Variants in FLI1 observed in about 807,000 individuals in gnomAD.
FLI1 encodes the protein Fli-1 proto-oncogene, ETS transcription factor.
FLI1 carries 13 observed loss-of-function variants against 53.1 expected under a neutral mutation model. The ratio of observed to expected loss-of-function variants is 0.24; its 90% confidence interval spans 0.16 to 0.39. FLI1 has a LOEUF of 0.39. Ranked by LOEUF, FLI1 falls within the 10% of genes least tolerant of loss-of-function variation. FLI1 has a pLI of 1.00. For missense variants in FLI1, 424 were observed against 600.5 expected, an observed-to-expected ratio of 0.71 and a Z score of 3.07; for synonymous variants, 244 against 236.7, an observed-to-expected ratio of 1.03 and a Z score of -0.28.
At chr11:128,704,728 T>A (rs2135708342) in intron 1 of FLI1, among the ~76,000 whole-genome samples, 1 of 152,318 alleles carries the variant, frequency 6.6e-6, no homozygotes. Context: ...CCAATTCAGT[T>A]TGAAACTGTA....
intron 1 of FLI1, among the ~76,000 whole-genome samples, chr11:128,739,075 G>T (rs557750606): frequency 8.5e-5 from 13 of 152,170 alleles, no homozygotes; most frequent in Admixed American, 4.6e-4. Context: ...CACCAAACTC[G>T]ATGTTTATCA....
At chr11:128,728,923 G>A (rs184348309) in intron 1 of FLI1, among the ~76,000 whole-genome samples, 3 of 152,284 alleles carry the variant, frequency 2.0e-5, no homozygotes, top group South Asian at 4.1e-4. Flanking sequence ...TACTCCAACC[G>A]CCAGAGACAC....
intron 1 of FLI1, among the ~76,000 whole-genome samples, chr11:128,735,882 T>C (rs1284021924): frequency 1.3e-5 from 2 of 152,250 alleles, no homozygotes; most frequent in Non-Finnish European, 2.9e-5. Flanking sequence ...GCTGGCCTGA[T>C]AAATTGTTTA....
chr11:128,702,554 G>T (rs1653243587), intron 1 of FLI1, among the ~76,000 whole-genome samples: 1 of 152,166 alleles, frequency 6.6e-6, no homozygotes, highest in African/African-American at 2.4e-5. Context: ...CTCAGCTTTA[G>T]TTCCTCTATT....
chr11:128,772,916 G>T lies in FLI1; in HGVS notation c.520G>T (p.Asp174Tyr). The T allele has an allele frequency of 2.5e-6, 4 of 1,614,022 alleles. No homozygotes were observed. Among genetic ancestry groups the T allele is most frequent in the Non-Finnish European group, 3.4e-6 (4 of 1,179,892 alleles). Residue 174 changes from aspartate (D) to tyrosine (Y), a missense_variant, in exon 4 of 9, where the codon GAC (aspartate) becomes TAC (tyrosine). This residue lies in a region of FLI1 where 114 missense variants were observed against 117.9 expected (regional missense o/e 0.97). Coordinates refer to ENST00000527786, the MANE Select transcript of FLI1 (RefSeq NM_002017.5). ...GKELCKMNKE[D>Y]FLRATTLYNT... ...GGAACTGTGTAAAATGAACAAGGAG[G>T]ACTTCCTCCGCGCCACCACCCTCTA...
chr11:128,775,867 C>T (rs368701422), intron 4 of FLI1, among the ~76,000 whole-genome samples: 15 of 152,092 alleles, frequency 9.9e-5, no homozygotes, highest in African/African-American at 3.4e-4. Flanking sequence ...TCCTTCACTC[C>T]GGTGGAGGAA....
intron 4 of FLI1, among the ~76,000 whole-genome samples, chr11:128,779,636 A>G (rs1338600956): frequency 1.3e-5 from 2 of 152,246 alleles, no homozygotes; most frequent in African/African-American, 4.8e-5. Flanking sequence ...TTTAATCTTC[A>G]TAATGCCATT....
At chr11:128,772,661 G>A in intron 3 of FLI1, 121 bp from the exon 4 acceptor site, 2 of 787,078 alleles carry the variant, frequency 2.5e-6, no homozygotes, top group Non-Finnish European at 4.3e-6. Context: ...GTGGAAGGGA[G>A]CTCTCCCAGA....
chr11:128,751,295 A>G lies in FLI1; in HGVS notation c.19-6820A>G, dbSNP rs1158929035. Among the ~76,000 whole-genome samples, 5 of 151,940 alleles carry G rather than the reference A, an allele frequency of 3.3e-5. No individual in the cohort carries two copies. In the East Asian group the frequency reaches 9.7e-4, roughly 29 times the overall value. On this transcript the variant is annotated intron_variant, in intron 1 of 8. Transcript: ENST00000527786. Reference sequence around the variant, plus strand: ...CTTTATCTGAACTCCCTCTTGACCCATCTCCAACCCAATGGTTCTCACGCC... The same window carrying G: ...CTTTATCTGAACTCCCTCTTGACCCGTCTCCAACCCAATGGTTCTCACGCC...
At chr11:128,715,234 A>G (rs937277580) in intron 1 of FLI1, among the ~76,000 whole-genome samples, 1 of 152,242 alleles carries the variant, frequency 6.6e-6, no homozygotes, top group African/African-American at 2.4e-5. Context: ...GATTAAACAT[A>G]TACAATTAAT....
At chr11:128,689,173 C>G (rs1413971246), upstream of FLI1, among the ~76,000 whole-genome samples, 1 of 151,606 alleles carries the variant, frequency 6.6e-6, no homozygotes, top group Non-Finnish European at 1.5e-5. Context: ...GAATTCAAAC[C>G]TAGGTGCGCT....
At chr11:128,716,680 A>G (rs1939029752) in intron 1 of FLI1, among the ~76,000 whole-genome samples, 1 of 151,364 alleles carries the variant, frequency 6.6e-6, no homozygotes, top group Non-Finnish European at 1.5e-5. Flanking sequence ...TGGGCTTCCC[A>G]CTCTCCTCTC....
chr11:128,747,769 T>C (rs888489891), intron 1 of FLI1, among the ~76,000 whole-genome samples: 2 of 152,146 alleles, frequency 1.3e-5, no homozygotes, highest in Admixed American at 6.5e-5. Flanking sequence ...CCCACTGCCA[T>C]CTAGAAAAAG....
chr11:128,690,498 A>C (rs556432377), upstream of FLI1, among the ~76,000 whole-genome samples: 1 of 152,148 alleles, frequency 6.6e-6, no homozygotes, highest in Non-Finnish European at 1.5e-5. Context: ...GTGTCTGGAA[A>C]GTCTTGACCG....
At position 128,811,352 on chromosome 11, in the gene FLI1, G is replaced by A. The variant is rs554194861; in HGVS notation, c.*364G>A. On this transcript the variant is annotated 3_prime_UTR_variant, in exon 9 of 9. Coordinates refer to ENST00000527786, the MANE Select transcript of FLI1 (RefSeq NM_002017.5). ...CCAAAGCAGTTTCTTGTCAATACACGGGGTTCAGTATGACACAGAATCATG... is the reference window on the plus strand; with the variant it reads ...CCAAAGCAGTTTCTTGTCAATACACAGGGTTCAGTATGACACAGAATCATG... The A allele has an allele frequency of 4.3e-4, 155 of 363,902 alleles. No individual in the cohort carries two copies. Among genetic ancestry groups the A allele is most frequent in the African/African-American group, 2.9e-3 (137 of 47,950 alleles). The allele number at this position is 363,902 out of a possible 1,614,324, so 22.5% of individuals were successfully genotyped here.
At chr11:128,706,048 A>AC (rs1030910167) in intron 1 of FLI1, among the ~76,000 whole-genome samples, 7 of 151,848 alleles carry the variant, frequency 4.6e-5, no homozygotes, top group African/African-American at 1.7e-4. Flanking sequence ...GTGCACAAGC[A>AC]CCCCCACCTC....
intron 5 of FLI1, among the ~76,000 whole-genome samples, chr11:128,803,370 C>T (rs951796781): frequency 6.6e-6 from 1 of 152,154 alleles, no homozygotes; most frequent in Non-Finnish European, 1.5e-5. Flanking sequence ...GAACATGCCT[C>T]GGCCCTCTCT....
intron 1 of FLI1, among the ~76,000 whole-genome samples, chr11:128,709,170 G>A (rs1938683454): frequency 6.6e-6 from 1 of 152,128 alleles, no homozygotes; most frequent in Non-Finnish European, 1.5e-5. Flanking sequence ...AATAATAGTA[G>A]TACTGGTAGT....
chr11:128,780,032 T>C (rs1175408918), intron 4 of FLI1, among the ~76,000 whole-genome samples: 1 of 152,252 alleles, frequency 6.6e-6, no homozygotes, highest in Non-Finnish European at 1.5e-5. Flanking sequence ...TTGTCGTATA[T>C]GTGGTCCATC....
Sources: allele counts gnomAD v4.1 joint callset (sites outside exome capture counted in the v4.1 genomes callset), GRCh38; gene constraint gnomAD v4.1.1; regional missense constraint gnomAD v4.1.1; transcripts MANE v1.5; gene names NCBI Gene and HGNC (gene_info 2026-07-23, HGNC 2026-07-21).